Variants in SHANK2 observed in about 807,000 individuals in gnomAD.
SHANK2 encodes the protein SH3 and multiple ankyrin repeat domains protein 2.
In SHANK2, 43 loss-of-function variants were observed where a neutral mutation model predicts 133.7. That is an observed-to-expected ratio of 0.32 (90% CI 0.25 to 0.41). The LOEUF (loss-of-function observed/expected upper bound fraction) is 0.41, where lower values mean the gene tolerates loss of function less well. Among genes scored for constraint, SHANK2 ranks in the 10% least tolerant of loss-of-function variants. The pLI is 1.00. For synonymous variants in SHANK2, 1,017 were observed against 952.8 expected (o/e 1.07, Z -1.24); for missense variants, 1,994 against 2,235.8 (o/e 0.89, Z 2.18).
At chr11:71,173,233 T>C (rs1266407231) in intron 2 of SHANK2, among the ~76,000 whole-genome samples, 2 of 152,250 alleles carry the variant, frequency 1.3e-5, no homozygotes, top group Non-Finnish European at 2.9e-5. Flanking sequence ...TCACCCCTCA[T>C]GGAGGACAAG....
At chr11:70,896,254 A>G in intron 11 of SHANK2, 1 of 421,964 alleles carries the variant, frequency 2.4e-6, no homozygotes, top group Non-Finnish European at 4.2e-6. Context: ...AATAGATCAG[A>G]ACATCATCCT....
In SHANK2 at chr11:70,724,256, G is replaced by C. The variant is rs889187993; in HGVS notation, c.1778-25493C>G. 4.6e-5 allele frequency among the ~76,000 whole-genome samples: 7 copies of C among 152,148 alleles called. No homozygotes were observed. The East Asian group carries it at 1.4e-3, about 29-fold the overall frequency. ...TCACCATGTTGGCCAGGCTGGTCTC[G>C]ATCTCCTGACCTCAAATGATCCACC... On this transcript the variant is annotated intron_variant, in intron 14 of 25. Coordinates refer to ENST00000601538, the MANE Select transcript of SHANK2 (RefSeq NM_012309.5).
rs983468972 is a variant in SHANK2 at position 70,500,790 on chromosome 11, A to G, written c.2288-200T>C. 9.4e-6 allele frequency: 7 copies of G among 747,184 alleles called. No individual in the cohort carries two copies. Among genetic ancestry groups the G allele is most frequent in the Non-Finnish European group, 1.5e-5 (6 of 412,546 alleles). The allele number at this position is 747,184 out of a possible 1,614,324, so 46.3% of individuals were successfully genotyped here. A position where few individuals can be genotyped will look rare whatever the true frequency, so the allele number is the denominator to read the frequency against. On this transcript the variant is annotated intron_variant, in intron 20 of 25. Transcript: ENST00000601538. The surrounding 1 kb of genome is among the most constrained non-coding windows in gnomAD (Gnocchi z 4.5). The stretch of plus-strand genomic sequence containing the variant: ...CTTTCCCCAAACCTTGGCTGCCCGC[A>G]CAACTCTGTCCTGTCTGCCCTGCTC...
Position 70,612,891 on chromosome 11 carries a change from C to G in SHANK2, c.2061+46937G>C, listed in dbSNP as rs964450263. On this transcript the variant is annotated intron_variant, in intron 17 of 25. Transcript: ENST00000601538. ...CTCCACAGCATGTCTGAGATTCACG[C>G]GCCTTGATGAATGCAGTTGGCATTC... Among the ~76,000 whole-genome samples, 3 of 152,342 alleles carry G rather than the reference C, an allele frequency of 2.0e-5. No homozygotes were observed. The South Asian group carries it at 6.2e-4, about 32-fold the overall frequency.
intron 8 of SHANK2, among the ~76,000 whole-genome samples, chr11:71,082,846 G>A (rs1951318412): frequency 6.6e-6 from 1 of 152,150 alleles, no homozygotes; most frequent in Non-Finnish European, 1.5e-5. Context: ...TCAGACTGAT[G>A]TCACACCCAT....
At chr11:71,097,358 C>T (rs1385901116) in intron 6 of SHANK2, among the ~76,000 whole-genome samples, 1 of 152,130 alleles carries the variant, frequency 6.6e-6, no homozygotes, top group Non-Finnish European at 1.5e-5. Context: ...CCGGGATGCA[C>T]ACCCAGTGAC....
intron 11 of SHANK2, among the ~76,000 whole-genome samples, chr11:70,894,030 A>T (rs1162235710): frequency 6.6e-6 from 1 of 152,236 alleles, no homozygotes; most frequent in Non-Finnish European, 1.5e-5. Flanking sequence ...ATAATAATGA[A>T]AAAAACCTCT....
chr11:70,728,144 T>C (rs1378727592), intron 14 of SHANK2, among the ~76,000 whole-genome samples: 2 of 152,132 alleles, frequency 1.3e-5, no homozygotes, highest in Non-Finnish European at 2.9e-5. Flanking sequence ...ACTGTCACCA[T>C]AGAAACCGAG....
At chr11:71,239,867 C>G (rs1954866866) in intron 1 of SHANK2, among the ~76,000 whole-genome samples, 1 of 152,146 alleles carries the variant, frequency 6.6e-6, no homozygotes, top group South Asian at 2.1e-4. Context: ...CAGAAAATCA[C>G]CCAACCCACC....
At chr11:71,153,332 A>G (rs1438542435) in intron 2 of SHANK2, among the ~76,000 whole-genome samples, 1 of 152,032 alleles carries the variant, frequency 6.6e-6, no homozygotes, top group East Asian at 1.9e-4. Flanking sequence ...AGGTCCATGA[A>G]CTTCAATGAC....
chr11:70,775,899 CA>C (rs1342372383), intron 14 of SHANK2, among the ~76,000 whole-genome samples: 1 of 152,212 alleles, frequency 6.6e-6, no homozygotes, highest in Non-Finnish European at 1.5e-5. Context: ...TCAGAGGAGC[CA>C]AAAACAACAT....
intron 10 of SHANK2, among the ~76,000 whole-genome samples, chr11:70,900,470 G>A (rs377556536): frequency 6.6e-5 from 10 of 152,052 alleles, no homozygotes; most frequent in East Asian, 1.9e-4. Flanking sequence ...ACAAAAATGC[G>A]CAGTCAGATA....
chr11:70,660,457 T>C (rs1269497735), intron 16 of SHANK2, among the ~76,000 whole-genome samples: 2 of 152,174 alleles, frequency 1.3e-5, no homozygotes, highest in Non-Finnish European at 2.9e-5. Flanking sequence ...ATGAGTCCTC[T>C]CTACAGGGAG....
intron 7 of SHANK2, among the ~76,000 whole-genome samples, chr11:71,093,018 G>C (rs1272863443): frequency 7.9e-6 from 1 of 127,134 alleles, no homozygotes; most frequent in Non-Finnish European, 1.6e-5. Context: ...CTCCAGCCTG[G>C]GCAACAAGAG....
chr11:70,888,863 G>C (rs1555074100), intron 11 of SHANK2, among the ~76,000 whole-genome samples: 2 of 152,146 alleles, frequency 1.3e-5, no homozygotes, highest in Non-Finnish European at 2.9e-5. Context: ...GAGAAAGGCT[G>C]ACTTGGAGTG....
At chr11:70,838,080 C>G (rs565309460) in intron 11 of SHANK2, among the ~76,000 whole-genome samples, 3 of 152,110 alleles carry the variant, frequency 2.0e-5, no homozygotes, top group African/African-American at 7.2e-5. Context: ...TACCTCCCAC[C>G]CTGGACTTGT....
rs142540490 is a variant in SHANK2 at position 70,816,604 on chromosome 11, T to G, written c.1493+3760A>C. 1.6e-3 allele frequency among the ~76,000 whole-genome samples: 246 copies of G among 152,170 alleles called. 2 individuals carry two copies. Among genetic ancestry groups the G allele is most frequent in the African/African-American group, 5.6e-3 (234 of 41,526 alleles). Reference sequence around the variant, plus strand: ...TAGGAAAGAGCTGGTTTTTCAGGAATAGTAAGGCAGGCGCACAAGGCATGG... The same window carrying G: ...TAGGAAAGAGCTGGTTTTTCAGGAAGAGTAAGGCAGGCGCACAAGGCATGG... On this transcript the variant is annotated intron_variant, in intron 12 of 25. Transcript: ENST00000601538.
At chr11:70,529,564 A>G (rs1591541043) in intron 17 of SHANK2, among the ~76,000 whole-genome samples, 1 of 152,336 alleles carries the variant, frequency 6.6e-6, no homozygotes, top group East Asian at 1.9e-4. Context: ...CATTGTGGTA[A>G]AATACACGTG....
At chr11:71,207,178 CT>C (rs56946028) in intron 2 of SHANK2, among the ~76,000 whole-genome samples, 10,739 of 115,676 alleles carry the variant, frequency 0.093, 588 homozygotes, top group African/African-American at 0.21. Flanking sequence ...TTTAAAATTC[CT>C]TTTTTTTTTT....
Sources: allele counts gnomAD v4.1 joint callset (sites outside exome capture counted in the v4.1 genomes callset), GRCh38; gene constraint gnomAD v4.1.1; non-coding constraint Gnocchi (gnomAD v3.1); transcripts MANE v1.5; gene names NCBI Gene and HGNC (gene_info 2026-07-23, HGNC 2026-07-21).